GSK3B: variants seen among roughly 807,000 people sequenced by gnomAD.
GSK3B encodes the protein glycogen synthase kinase 3 beta, also known as glycogen synthase kinase-3 beta.
In GSK3B, 15 loss-of-function variants were observed where a neutral mutation model predicts 56.4. The ratio of observed to expected loss-of-function variants is 0.27; its 90% CI spans 0.18 to 0.41. The LOEUF (loss-of-function observed/expected upper bound fraction) is 0.41. Among genes scored for constraint, GSK3B ranks in the 10% least tolerant of loss-of-function variants. GSK3B has a pLI of 1.00. For missense variants in GSK3B, 300 were observed against 513.4 expected (o/e 0.58, Z 4.02); for synonymous variants, 181 against 188.9 (o/e 0.96, Z 0.34).
At chr3:120,010,593 C>T (rs1029740623) in intron 1 of GSK3B, among the ~76,000 whole-genome samples, 2 of 152,186 alleles carry the variant, frequency 1.3e-5, no homozygotes, top group Non-Finnish European at 2.9e-5. Context: ...TTCCACTGAA[C>T]AAGTTGCTTG....
chr3:120,039,981 A>G (rs955961810), intron 1 of GSK3B, among the ~76,000 whole-genome samples: 3 of 152,186 alleles, frequency 2.0e-5, no homozygotes, highest in African/African-American at 7.2e-5. Flanking sequence ...AGCCTCAGGG[A>G]TAAAGGAATT....
At chr3:119,876,923 A>G (rs2056321645) in intron 7 of GSK3B, among the ~76,000 whole-genome samples, 1 of 152,180 alleles carries the variant, frequency 6.6e-6, no homozygotes, top group African/African-American at 2.4e-5. Flanking sequence ...GCCCTTTGAC[A>G]TTGGACTTTC....
intron 6 of GSK3B, among the ~76,000 whole-genome samples, chr3:119,908,545 C>T (rs2056704988): frequency 6.6e-6 from 1 of 152,194 alleles, no homozygotes; most frequent in African/African-American, 2.4e-5. Flanking sequence ...ACCTGACACT[C>T]AAACCCAGGT....
intron 1 of GSK3B, among the ~76,000 whole-genome samples, chr3:120,050,404 G>GT (rs1469684897): frequency 5.3e-5 from 8 of 152,360 alleles, no homozygotes; most frequent in African/African-American, 1.9e-4. Flanking sequence ...ACGGCTAGCC[G>GT]TATTTGGCTT....
At chr3:120,090,486 A>G (rs1020351526) in intron 1 of GSK3B, among the ~76,000 whole-genome samples, 6 of 152,192 alleles carry the variant, frequency 3.9e-5, no homozygotes, top group African/African-American at 1.4e-4. Context: ...TCCCATTACA[A>G]TTAACAATAT....
intron 1 of GSK3B, among the ~76,000 whole-genome samples, chr3:120,076,590 C>T (rs374250751): frequency 2.0e-5 from 3 of 151,712 alleles, no homozygotes; most frequent in East Asian, 3.9e-4. Flanking sequence ...CCGAGACGGG[C>T]GGATCACGAG....
Position 119,825,476 on chromosome 3 carries a change from C to CA in GSK3B, c.*1311dup, listed in dbSNP as rs150696846. On this transcript the variant is annotated 3_prime_UTR_variant, in exon 11 of 11. Transcript: ENST00000264235. The stretch of plus-strand genomic sequence containing the variant: ...AACCAGTCAATTTTGATACTGTAGA[C>CA]AAAAAAAAAGGCAGTATTGAATATA... 2,815 of 222,178 alleles carry CA rather than the reference C, an allele frequency of 0.013. 68 individuals are homozygous for CA. The highest frequency in any genetic ancestry group is 0.058 in the African/African-American group (2,571 of 43,976). The allele number at this position is 222,178 out of a possible 1,614,324, so 13.8% of individuals were successfully genotyped here. A position where few individuals can be genotyped will look rare whatever the true frequency, so the allele number is the denominator to read the frequency against.
At chr3:119,855,738 C>T (rs1427144337) in intron 9 of GSK3B, among the ~76,000 whole-genome samples, 1 of 151,754 alleles carries the variant, frequency 6.6e-6, no homozygotes, top group African/African-American at 2.4e-5. Context: ...GACAGAAAAC[C>T]AAACACTGCA....
chr3:119,837,940 T>TCA (rs1197810033), intron 10 of GSK3B, among the ~76,000 whole-genome samples: 1 of 51,184 alleles, frequency 2.0e-5, no homozygotes, highest in Non-Finnish European at 3.4e-5. Context: ...CGTTGACCAT[T>TCA]CACATATATA....
rs1424307475 is a variant in GSK3B, at chr3:119,863,422, G to T, written c.1093C>A (p.Gln365Lys). The T allele has an allele frequency of 6.2e-7, 1 of 1,612,244 alleles. No individual in the cohort carries two copies. Among genetic ancestry groups the T allele is most frequent in the East Asian group, 2.2e-5 (1 of 44,858 alleles). Residue 365 changes from glutamine to lysine, a missense_variant, in exon 9 of 11, where the codon CAA becomes AAA. By Grantham distance (53) the Gln-to-Lys change is moderately conservative (BLOSUM62 1). This residue lies in a region of GSK3B where 88 missense variants were observed against 92.7 expected (regional missense o/e 0.95). Coordinates refer to ENST00000264235, the MANE Select transcript of GSK3B (RefSeq NM_001146156.2). Reference protein sequence around the residue: ...DTPALFNFTTQELSSNPPLAT... With the variant: ...DTPALFNFTTKELSSNPPLAT... ...GAGGCTAAGTGTTTGGAGTTACCTT[G>T]AGTGGTGAAGTTGAAGAGTGCAGGT... is the stretch of plus-strand genomic sequence containing the variant.
At chr3:119,959,506 CTTTTTTTTTTTTTT>C (rs34702117) in intron 2 of GSK3B, among the ~76,000 whole-genome samples, 3 of 89,184 alleles carry the variant, frequency 3.4e-5, no homozygotes, top group Non-Finnish European at 6.4e-5. Flanking sequence ...TTCTCTCTGA[CTTTTTTTTTTTTTT>C]TTTTTTTTTT....
At chr3:120,077,589 T>C (rs1048777413) in intron 1 of GSK3B, among the ~76,000 whole-genome samples, 1 of 151,972 alleles carries the variant, frequency 6.6e-6, no homozygotes, top group African/African-American at 2.4e-5. Flanking sequence ...CTATAGTTAA[T>C]AATAGTGTAT....
chr3:120,055,279 C>T (rs937374457), intron 1 of GSK3B, among the ~76,000 whole-genome samples: 2 of 152,058 alleles, frequency 1.3e-5, no homozygotes, highest in African/African-American at 4.8e-5. Flanking sequence ...CTAAGCAACA[C>T]ATCAAAAAGA....
At chr3:119,980,795 G>A (rs1368824036) in intron 2 of GSK3B, among the ~76,000 whole-genome samples, 2 of 152,120 alleles carry the variant, frequency 1.3e-5, no homozygotes, top group Non-Finnish European at 2.9e-5. Context: ...GTTTGCTTTG[G>A]GAAAGAATGG....
intron 1 of GSK3B, among the ~76,000 whole-genome samples, chr3:120,037,997 T>C (rs1055520872): frequency 6.6e-6 from 1 of 152,150 alleles, no homozygotes; most frequent in Non-Finnish European, 1.5e-5. Flanking sequence ...CTATAACATA[T>C]GCAAGATACT....
At position 120,030,235 on chromosome 3, in the gene GSK3B, C is replaced by T. The variant is rs1484250977; in HGVS notation, c.89-27996G>A. On this transcript the variant is annotated intron_variant, in intron 1 of 10. Coordinates refer to ENST00000264235, the MANE Select transcript of GSK3B (RefSeq NM_001146156.2). The stretch of plus-strand genomic sequence containing the variant: ...TCTTCTAGGCTTGGTCCTAGACTCC[C>T]TTTCTCTTCTATCTTCTGTCTCCAT... Among the ~76,000 whole-genome samples, 6 of 152,164 alleles carry T rather than the reference C, an allele frequency of 3.9e-5. No homozygotes were observed. The East Asian group carries it at 1.2e-3, about 29-fold the overall frequency.
Position 119,901,761 on chromosome 3 carries a change from CA to C in GSK3B, c.813+3993del, listed in dbSNP as rs1191687772. On this transcript the variant is annotated intron_variant, in intron 7 of 10. Transcript: ENST00000264235. ...ATTTTGGTGCCCTCAGATATTAAAA[CA>C]TAAGAATAAAAAAAAGTCCCTGCTC... is the stretch of plus-strand genomic sequence containing the variant. Among the ~76,000 whole-genome samples the C allele has an allele frequency of 2.9e-4, 44 of 151,976 alleles. 1 individual carries two copies. The East Asian group carries it at 5.0e-3, about 17-fold the overall frequency.
intron 1 of GSK3B, among the ~76,000 whole-genome samples, chr3:120,086,980 G>A (rs2058468599): frequency 6.6e-6 from 1 of 151,988 alleles, no homozygotes. Flanking sequence ...CCATTCCCCT[G>A]ATCTGTGATT....
intron 3 of GSK3B, among the ~76,000 whole-genome samples, chr3:119,943,821 G>GAA: frequency 6.6e-6 from 1 of 151,410 alleles, no homozygotes; most frequent in East Asian, 1.9e-4. Flanking sequence ...AAGAGACAGA[G>GAA]AAAAGAGAAA....
Sources: allele counts gnomAD v4.1 joint callset (sites outside exome capture counted in the v4.1 genomes callset), GRCh38; gene constraint gnomAD v4.1.1; regional missense constraint gnomAD v4.1.1; transcripts MANE v1.5; gene names NCBI Gene and HGNC (gene_info 2026-07-23, HGNC 2026-07-21).